Variants in TBC1D22B observed in about 807,000 individuals in gnomAD.
TBC1D22B encodes the protein TBC1 domain family member 22B, also known as chromosome 6 open reading frame 197.
Under a neutral mutation model 69.1 loss-of-function variants are expected in TBC1D22B, and 32 were observed. The ratio of observed to expected loss-of-function variants is 0.46; its 90% CI spans 0.35 to 0.62. The LOEUF is 0.62. Ranked by LOEUF, TBC1D22B falls within the 20% of genes least tolerant of loss-of-function variation. The pLI, the probability that TBC1D22B is intolerant of heterozygous loss-of-function variation, is 0.00. For missense variants in TBC1D22B, 462 were observed against 630.9 expected (o/e 0.73, Z 2.87); for synonymous variants, 206 against 229.8 (o/e 0.90, Z 0.94).
intron 2 of TBC1D22B, among the ~76,000 whole-genome samples, chr6:37,270,504 C>G (rs1172217309): frequency 6.6e-6 from 1 of 152,122 alleles, no homozygotes; most frequent in East Asian, 1.9e-4. Flanking sequence ...GGCTATTTCT[C>G]TAGTAGAACT....
chr6:37,292,117 A>G (rs1767204629), intron 8 of TBC1D22B, among the ~76,000 whole-genome samples: 1 of 152,232 alleles, frequency 6.6e-6, no homozygotes, highest in African/African-American at 2.4e-5. Flanking sequence ...GAACATCGAA[A>G]GGATCTTAGA....
At chr6:37,317,253 G>A in intron 12 of TBC1D22B, 47 bp downstream of exon 12, 1 of 1,530,522 alleles carries the variant, frequency 6.5e-7, no homozygotes, top group Admixed American at 2.0e-5. Flanking sequence ...ACATTAGAAT[G>A]GGAGTTAGCC....
intron 8 of TBC1D22B, among the ~76,000 whole-genome samples, chr6:37,307,662 G>A (rs894912778): frequency 1.3e-5 from 2 of 152,108 alleles, no homozygotes; most frequent in African/African-American, 4.8e-5. Context: ...CCTGTTATCA[G>A]AAAATATTAC....
intron 8 of TBC1D22B, among the ~76,000 whole-genome samples, chr6:37,299,838 G>A (rs1420567671): frequency 1.3e-5 from 2 of 151,606 alleles, no homozygotes; most frequent in Non-Finnish European, 2.9e-5. Flanking sequence ...GGCAAAACCC[G>A]TCTCTACCAA....
chr6:37,310,093 TATA>T lies in TBC1D22B; in HGVS notation c.983-2822_983-2820del, dbSNP rs1358238994. ...TAATTATATTTAAATATATGTGAAA[TATA>T]ATTTTATATATAATTATATTTTAAT... On this transcript the variant is annotated intron_variant, in intron 8 of 12. Transcript: ENST00000373491. Among the ~76,000 whole-genome samples, 10 of 146,694 alleles carry T rather than the reference TATA, an allele frequency of 6.8e-5. No homozygotes were observed. The South Asian group carries it at 2.1e-3, about 31-fold the overall frequency.
Position 37,287,741 on chromosome 6 carries a change from A to G in TBC1D22B, c.867+669A>G, listed in dbSNP as rs530472847. Among the ~76,000 whole-genome samples the G allele has an allele frequency of 5.3e-5, 8 of 152,338 alleles. 1 individual carries two copies. Among genetic ancestry groups the G allele is most frequent in the African/African-American group, 1.2e-4 (5 of 41,566 alleles). On this transcript the variant is annotated intron_variant, in intron 7 of 12. Transcript: ENST00000373491. Reference sequence around the variant, plus strand: ...AAGGCTGAGTAATATTCCGTTGTACATATGTAACACATATTGTTGAGCTGT... The same window carrying G: ...AAGGCTGAGTAATATTCCGTTGTACGTATGTAACACATATTGTTGAGCTGT...
intron 8 of TBC1D22B, among the ~76,000 whole-genome samples, chr6:37,303,121 T>C (rs984601055): frequency 1.3e-5 from 2 of 152,210 alleles, no homozygotes; most frequent in Non-Finnish European, 2.9e-5. Flanking sequence ...TGTTTGAACT[T>C]AATCTCGTGG....
chr6:37,318,190 G>A (rs1487848709), intron 12 of TBC1D22B, among the ~76,000 whole-genome samples: 2 of 152,224 alleles, frequency 1.3e-5, no homozygotes, highest in Non-Finnish European at 2.9e-5. Flanking sequence ...CATGAAGGTG[G>A]TAGGACCTGG....
intron 12 of TBC1D22B, among the ~76,000 whole-genome samples, chr6:37,323,748 G>A (rs1238950923): frequency 9.2e-5 from 14 of 152,214 alleles, no homozygotes; most frequent in African/African-American, 2.7e-4. Context: ...CCGAATGGAG[G>A]CCCTGTCTTT....
chr6:37,282,791 G>T, intron 4 of TBC1D22B, 91 bp from the exon 5 acceptor site: 1 of 1,256,490 alleles, frequency 8.0e-7, no homozygotes, highest in Non-Finnish European at 1.2e-6. Flanking sequence ...GGTCTTACAT[G>T]GATGGAAGGA....
intron 8 of TBC1D22B, among the ~76,000 whole-genome samples, chr6:37,307,804 G>C (rs1364455026): frequency 6.6e-6 from 1 of 152,218 alleles, no homozygotes; most frequent in African/African-American, 2.4e-5. Flanking sequence ...GGCCGGTCAG[G>C]TTGAATCATG....
At chr6:37,264,246 G>A (rs1243653949) in intron 1 of TBC1D22B, among the ~76,000 whole-genome samples, 2 of 152,144 alleles carry the variant, frequency 1.3e-5, no homozygotes, top group African/African-American at 4.8e-5. Context: ...TGTGAAAAAT[G>A]CCAGATCCAA....
intron 8 of TBC1D22B, among the ~76,000 whole-genome samples, chr6:37,305,146 C>G (rs1209972675): frequency 2.0e-5 from 3 of 152,150 alleles, no homozygotes; most frequent in African/African-American, 7.2e-5. Context: ...CACGCTCAGT[C>G]CTGGGAGGCG....
At chr6:37,321,828 G>T (rs1303539725) in intron 12 of TBC1D22B, among the ~76,000 whole-genome samples, 5 of 152,174 alleles carry the variant, frequency 3.3e-5, no homozygotes, top group South Asian at 2.1e-4. Context: ...CGTGTTGACT[G>T]GGGAGGAGCA....
intron 8 of TBC1D22B, among the ~76,000 whole-genome samples, chr6:37,301,042 A>C (rs763707540): frequency 1.3e-5 from 2 of 152,190 alleles, no homozygotes; most frequent in African/African-American, 4.8e-5. Context: ...TAGATACCTC[A>C]TGTAAGTGGA....
At chr6:37,273,984 A>G (rs923154718) in intron 2 of TBC1D22B, among the ~76,000 whole-genome samples, 4 of 152,336 alleles carry the variant, frequency 2.6e-5, no homozygotes, top group Non-Finnish European at 2.9e-5. Context: ...TTCCCTGTCC[A>G]TGTGTATTGA....
intron 4 of TBC1D22B, 69 bp from the exon 5 acceptor site, chr6:37,282,813 G>GT: frequency 6.9e-7 from 1 of 1,452,160 alleles, no homozygotes; most frequent in Non-Finnish European, 9.7e-7. Flanking sequence ...ACATCAGGCA[G>GT]TGCTGGTTGC....
chr6:37,289,452 A>G lies in TBC1D22B; in HGVS notation c.868-1791A>G, dbSNP rs577831856. Among the ~76,000 whole-genome samples, 49 of 152,254 alleles carry G rather than the reference A, an allele frequency of 3.2e-4. No individual in the cohort carries two copies. In the South Asian group the frequency reaches 1.0e-2, roughly 31 times the overall value. Reference sequence around the variant, plus strand: ...CCAGGCTTGGTGCTCTTCAGTTTCCATCTCTTTGACCACTTCACTTGTACC... The same window carrying G: ...CCAGGCTTGGTGCTCTTCAGTTTCCGTCTCTTTGACCACTTCACTTGTACC... On this transcript the variant is annotated intron_variant, in intron 7 of 12. Coordinates refer to ENST00000373491, the MANE Select transcript of TBC1D22B (RefSeq NM_017772.4).
chr6:37,326,376 CAAAAAAAAA>C (rs10651731), intron 12 of TBC1D22B, among the ~76,000 whole-genome samples: 1 of 115,890 alleles, frequency 8.6e-6, no homozygotes, highest in African/African-American at 3.2e-5. Flanking sequence ...GACTGCGCCT[CAAAAAAAAA>C]AAAAAAAAAG....
Sources: allele counts gnomAD v4.1 joint callset (sites outside exome capture counted in the v4.1 genomes callset), GRCh38; gene constraint gnomAD v4.1.1; transcripts MANE v1.5; gene names NCBI Gene and HGNC (gene_info 2026-07-23, HGNC 2026-07-21).